FTO: variants seen among roughly 807,000 people sequenced by gnomAD.
FTO encodes FTO alpha-ketoglutarate dependent dioxygenase.
In FTO, 47 loss-of-function variants were observed where a neutral mutation model predicts 63.9. The ratio of observed to expected loss-of-function variants is 0.74; its 90% CI spans 0.58 to 0.94. The LOEUF is 0.94. Among genes scored for constraint, FTO ranks in the 40% least tolerant of loss-of-function variants. The probability of loss-of-function intolerance (pLI) is 0.00; values close to 1 mark genes in which losing one functional copy is unlikely to be tolerated. For missense variants in FTO, 562 were observed against 618.1 expected (o/e 0.91, Z 0.96); for synonymous variants, 207 against 224.4 (o/e 0.92, Z 0.69).
At chr16:54,041,193 A>G (rs570909547) in intron 8 of FTO, among the ~76,000 whole-genome samples, 157 of 152,316 alleles carry the variant, frequency 1.0e-3, no homozygotes, top group African/African-American at 3.6e-3. Context: ...ACTGAGTCAC[A>G]GTTCCTCATG....
chr16:53,773,342 A>G (rs556126866), intron 1 of FTO, among the ~76,000 whole-genome samples: 4 of 152,190 alleles, frequency 2.6e-5, no homozygotes, highest in Admixed American at 2.6e-4. Flanking sequence ...GTGGCACTGA[A>G]GTATCATTCT....
intron 6 of FTO, among the ~76,000 whole-genome samples, chr16:53,881,867 A>G (rs2080846887): frequency 6.6e-6 from 1 of 152,210 alleles, no homozygotes; most frequent in African/African-American, 2.4e-5. Flanking sequence ...TATCCAGAAA[A>G]ATAGATCCAA....
intron 4 of FTO, among the ~76,000 whole-genome samples, chr16:53,868,629 A>G (rs1281809986): frequency 1.3e-5 from 2 of 152,248 alleles, no homozygotes; most frequent in South Asian, 2.1e-4. Flanking sequence ...TATCTCTTCT[A>G]TCAATTAAGG....
intron 6 of FTO, among the ~76,000 whole-genome samples, chr16:53,882,992 G>A (rs1186408160): frequency 6.6e-6 from 1 of 152,046 alleles, no homozygotes. Flanking sequence ...TCTCTTATTA[G>A]TCCCTGCTGG....
chr16:53,941,557 A>G (rs1032315633), intron 8 of FTO, among the ~76,000 whole-genome samples: 1 of 152,234 alleles, frequency 6.6e-6, no homozygotes, highest in Non-Finnish European at 1.5e-5. Flanking sequence ...CGTAAAACAT[A>G]CACCTCAGGC....
At chr16:53,757,484 G>A (rs2076950462) in intron 1 of FTO, among the ~76,000 whole-genome samples, 5 of 151,474 alleles carry the variant, frequency 3.3e-5, no homozygotes, top group South Asian at 2.1e-4. Flanking sequence ...AATACATACT[G>A]TATATAATAT....
At chr16:53,760,745 G>A (rs564908889) in intron 1 of FTO, among the ~76,000 whole-genome samples, 1 of 149,838 alleles carries the variant, frequency 6.7e-6, no homozygotes, top group Non-Finnish European at 1.5e-5. Context: ...TCCTGCCTCA[G>A]CCTCCCAAAT....
chr16:54,067,134 T>C (rs1304772468), intron 8 of FTO, among the ~76,000 whole-genome samples: 1 of 25,216 alleles, frequency 4.0e-5, no homozygotes, highest in African/African-American at 6.1e-5. Context: ...TTTTTGGTTG[T>C]TGTTGTTTTT....
chr16:54,058,923 A>G (rs994014454), intron 8 of FTO, among the ~76,000 whole-genome samples: 2 of 152,234 alleles, frequency 1.3e-5, no homozygotes, highest in South Asian at 4.1e-4. Flanking sequence ...GAGACTGCAT[A>G]AAAGATGGAC....
chr16:53,783,605 A>ATC (rs1555633086), intron 1 of FTO, among the ~76,000 whole-genome samples: 10,139 of 40,976 alleles, frequency 0.25, 757 homozygotes, highest in East Asian at 0.4. Flanking sequence ...AAGACTCCAT[A>ATC]AAAAAAAAAA....
chr16:53,781,793 C>A (rs893987621), intron 1 of FTO, among the ~76,000 whole-genome samples: 3 of 143,572 alleles, frequency 2.1e-5, no homozygotes, highest in African/African-American at 8.4e-5. Flanking sequence ...TTTTAACAGC[C>A]CTGTTTGTTT....
intron 8 of FTO, among the ~76,000 whole-genome samples, chr16:54,060,044 C>CTGT (rs1486055120): frequency 6.6e-6 from 1 of 152,160 alleles, no homozygotes. Flanking sequence ...AAACTCAGTT[C>CTGT]TGTTTCTTTT....
At chr16:53,845,269 G>T (rs1220851013) in intron 4 of FTO, among the ~76,000 whole-genome samples, 1 of 152,112 alleles carries the variant, frequency 6.6e-6, no homozygotes, top group Non-Finnish European at 1.5e-5. Context: ...GTTGCTTTTG[G>T]AGCCAGGAAG....
chr16:53,965,219 A>G (rs550287811), intron 8 of FTO, among the ~76,000 whole-genome samples: 201 of 152,264 alleles, frequency 1.3e-3, no homozygotes, highest in African/African-American at 4.5e-3. Context: ...GACTACAGGC[A>G]TGCGTCACCA....
chr16:54,009,682 T>C (rs1385490189), intron 8 of FTO, among the ~76,000 whole-genome samples: 2 of 152,176 alleles, frequency 1.3e-5, no homozygotes, highest in Non-Finnish European at 2.9e-5. Context: ...CTTGTGCCAA[T>C]AGTAGTTGCC....
intron 8 of FTO, among the ~76,000 whole-genome samples, chr16:54,078,872 A>T (rs558762965): frequency 1.4e-4 from 22 of 152,172 alleles, no homozygotes; most frequent in Non-Finnish European, 2.5e-4. Flanking sequence ...TCTACTAAAA[A>T]TACAAAAAAT....
chr16:53,734,067 A>G (rs2076333061), intron 1 of FTO, among the ~76,000 whole-genome samples: 1 of 152,244 alleles, frequency 6.6e-6, no homozygotes, highest in Admixed American at 6.5e-5. Flanking sequence ...AAGTAAGTAG[A>G]ATGGAAAAGT....
At chr16:53,984,990 A>G (rs1284494346) in intron 8 of FTO, 1 of 456,298 alleles carries the variant, frequency 2.2e-6, no homozygotes, top group Non-Finnish European at 4.4e-6. Flanking sequence ...CTCAGCTGCC[A>G]TTGATGTCCT....
Position 53,715,140 on chromosome 16 carries a change from A to T in FTO, c.45+10911A>T, listed in dbSNP as rs116792732. 6.5e-3 allele frequency among the ~76,000 whole-genome samples: 992 copies of T among 152,180 alleles called. 11 individuals carry two copies. The highest frequency in any genetic ancestry group is 0.022 in the African/African-American group (928 of 41,510). On this transcript the variant is annotated intron_variant, in intron 1 of 8. Transcript: ENST00000471389. ...TTGAATACGGACTATTAGATGCTTTATTTTTCATGATTTAAAGGCTTTGCC... is the reference window on the plus strand; with the variant it reads ...TTGAATACGGACTATTAGATGCTTTTTTTTTCATGATTTAAAGGCTTTGCC...
Sources: allele counts gnomAD v4.1 joint callset (sites outside exome capture counted in the v4.1 genomes callset), GRCh38; gene constraint gnomAD v4.1.1; transcripts MANE v1.5; gene names NCBI Gene and HGNC (gene_info 2026-07-23, HGNC 2026-07-21).